CTPS2: variants seen among roughly 807,000 people sequenced by gnomAD.
The protein encoded by CTPS2 is CTP synthase 2.
A neutral mutation model predicts 46.8 loss-of-function variants in CTPS2; 19 were observed. The ratio of observed to expected loss-of-function variants is 0.41; its 90% CI spans 0.28 to 0.60. CTPS2 has a LOEUF of 0.60. Among genes scored for constraint, CTPS2 ranks in the 20% least tolerant of loss-of-function variants. The pLI, the probability that CTPS2 is intolerant of heterozygous loss-of-function variation, is 0.35. For synonymous variants in CTPS2, 151 were observed against 165.2 expected (o/e 0.91, Z 0.66); for missense variants, 286 against 447.6 (o/e 0.64, Z 3.26).
At chrX:16,689,152 T>C (rs1003042218) in intron 8 of CTPS2, among the ~76,000 whole-genome samples, 1 of 111,682 alleles carries the variant, frequency 9.0e-6, no homozygotes, top group African/African-American at 3.2e-5. Context: ...AACTAAAAAA[T>C]GAACTAGCAA....
intron 17 of CTPS2, 23 bp from the exon 18 acceptor site, chrX:16,590,885 T>A (rs752095161): frequency 9.1e-7 from 1 of 1,100,548 alleles, no homozygotes; most frequent in Non-Finnish European, 1.2e-6. Flanking sequence ...AGGAACTAAT[T>A]TAGCAAGGTA....
chrX:16,622,939 T>A (rs1930919139), intron 14 of CTPS2, among the ~76,000 whole-genome samples: 1 of 111,790 alleles, frequency 8.9e-6, no homozygotes. Context: ...TTCATAGAGT[T>A]GTAAGGATTA....
At chrX:16,655,795 T>C (rs1230513945) in intron 13 of CTPS2, among the ~76,000 whole-genome samples, 1 of 109,822 alleles carries the variant, frequency 9.1e-6, no homozygotes, top group Admixed American at 9.7e-5. Context: ...CTTTTTCTTT[T>C]TTTTTCTTTT....
intron 13 of CTPS2, among the ~76,000 whole-genome samples, chrX:16,646,960 C>G (rs57296246): frequency 0.021 from 2,351 of 112,018 alleles, 70 homozygotes; most frequent in African/African-American, 0.073. Context: ...CCCCCCTTCT[C>G]TGGTTTCAAA....
intron 10 of CTPS2, among the ~76,000 whole-genome samples, chrX:16,674,645 T>C (rs367601007): frequency 0.011 from 1,143 of 103,975 alleles, 6 homozygotes; most frequent in African/African-American, 0.018. Flanking sequence ...GAGACCATCC[T>C]GGCTAACACG....
intron 13 of CTPS2, among the ~76,000 whole-genome samples, chrX:16,658,314 C>A (rs1932868122): frequency 9.0e-6 from 1 of 110,530 alleles, no homozygotes; most frequent in Non-Finnish European, 1.9e-5. Flanking sequence ...TAATTCAACA[C>A]AAGAGCATTC....
intron 13 of CTPS2, among the ~76,000 whole-genome samples, chrX:16,659,368 G>C (rs59750736): frequency 9.0e-6 from 1 of 111,382 alleles, no homozygotes; most frequent in Non-Finnish European, 1.9e-5. Flanking sequence ...ACTGGGCTCT[G>C]TAGAAAGAAC....
intron 16 of CTPS2, among the ~76,000 whole-genome samples, chrX:16,615,629 A>G (rs1173251520): frequency 9.0e-6 from 1 of 111,663 alleles, no homozygotes; most frequent in Non-Finnish European, 1.9e-5. Flanking sequence ...GCCAAGAAGA[A>G]TCTGAGCAGA....
chrX:16,665,917 A>AT (rs1390507682), intron 13 of CTPS2, among the ~76,000 whole-genome samples: 3 of 110,860 alleles, frequency 2.7e-5, no homozygotes, highest in African/African-American at 6.6e-5. Context: ...CGCCCAGCTA[A>AT]TTTTTTGTAT....
chrX:16,690,950 G>A (rs932055032), intron 7 of CTPS2, among the ~76,000 whole-genome samples: 1 of 112,120 alleles, frequency 8.9e-6, no homozygotes, highest in African/African-American at 3.2e-5. Context: ...TGTTCCAGAA[G>A]GAAACACAAG....
At chrX:16,646,906 T>A (rs1932345427) in intron 13 of CTPS2, among the ~76,000 whole-genome samples, 1 of 111,951 alleles carries the variant, frequency 8.9e-6, no homozygotes, top group East Asian at 2.8e-4. Flanking sequence ...ATAAATAACC[T>A]TTGCCTCTCC....
chrX:16,662,148 G>A (rs1229320289), intron 13 of CTPS2, among the ~76,000 whole-genome samples: 1 of 110,700 alleles, frequency 9.0e-6, no homozygotes, highest in Admixed American at 9.7e-5. Context: ...TATAGGGTTA[G>A]AATGTAAGTC....
rs180672434 is a variant in CTPS2, at chrX:16,701,164, C to A, written c.166+1573G>T. ...TGAATAAGTCATTCACAAACAAAATCAAAATCAAAGAACTCTAAATTAAAA... is the reference window on the plus strand; with the variant it reads ...TGAATAAGTCATTCACAAACAAAATAAAAATCAAAGAACTCTAAATTAAAA... On this transcript the variant is annotated intron_variant, in intron 2 of 18. Transcript: ENST00000359276. Among the ~76,000 whole-genome samples the A allele has an allele frequency of 7.7e-3, 860 of 111,921 alleles. 11 individuals carry two copies. Among genetic ancestry groups the A allele is most frequent in the African/African-American group, 0.027 (830 of 30,803 alleles).
At chrX:16,631,118 G>A (rs763188699) in intron 14 of CTPS2, among the ~76,000 whole-genome samples, 1 of 111,973 alleles carries the variant, frequency 8.9e-6, no homozygotes, top group Admixed American at 9.5e-5. Flanking sequence ...GGAGGCCGAG[G>A]CGGGTGGATC....
intron 17 of CTPS2, among the ~76,000 whole-genome samples, chrX:16,605,271 G>A (rs1929907199): frequency 1.8e-5 from 2 of 111,583 alleles, no homozygotes; most frequent in Non-Finnish European, 3.8e-5. Flanking sequence ...CATCACATAG[G>A]CATAGTTGCA....
intron 13 of CTPS2, among the ~76,000 whole-genome samples, chrX:16,662,533 G>C (rs910561283): frequency 1.1e-4 from 12 of 110,641 alleles, no homozygotes; most frequent in African/African-American, 3.6e-4. Context: ...AGAGATCTTA[G>C]GAGTAAATAT....
At chrX:16,659,609 A>C (rs1393256823) in intron 13 of CTPS2, among the ~76,000 whole-genome samples, 1 of 97,967 alleles carries the variant, frequency 1.0e-5, no homozygotes, top group Non-Finnish European at 2.1e-5. Context: ...AAGAAGGTGT[A>C]GGAGTCACAG....
At chrX:16,635,373 C>T (rs1426984067) in intron 14 of CTPS2, among the ~76,000 whole-genome samples, 1 of 110,951 alleles carries the variant, frequency 9.0e-6, no homozygotes, top group Non-Finnish European at 1.9e-5. Flanking sequence ...GAAAAAAAAA[C>T]GTTCATAAAA....
At chrX:16,650,452 G>A (rs1163661756) in intron 13 of CTPS2, among the ~76,000 whole-genome samples, 1 of 109,470 alleles carries the variant, frequency 9.1e-6, no homozygotes, top group South Asian at 3.9e-4. Flanking sequence ...TTGGCTCCAG[G>A]GACCATCTCC....
Sources: gnomAD v4.1 joint callset for allele counts (sites outside exome capture counted in the v4.1 genomes callset) on GRCh38, gnomAD v4.1.1 for gene constraint, MANE v1.5 for transcripts, NCBI Gene and HGNC (gene_info 2026-07-23, HGNC 2026-07-21) for gene names.